The following SI variants were observed in gnomAD, a reference collection of about 807,000 sequenced individuals.
SI encodes sucrase-isomaltase, intestinal.
SI carries 235 observed loss-of-function variants against 253.3 expected under a neutral mutation model. The observed-to-expected ratio is 0.93, with a 90% CI of 0.83 to 1.03. SI has a LOEUF of 1.03. SI is among the 50% of genes least tolerant of loss of function. The pLI, the probability that SI is intolerant of heterozygous loss-of-function variation, is 0.00. For synonymous variants in SI, 819 were observed against 712.0 expected (o/e 1.15, Z -2.39); for missense variants, 2,442 against 2,211.1 (o/e 1.10, Z -2.09).
intron 6 of SI, 33 bp from the exon 7 acceptor site, chr3:165,065,465 A>G: frequency 7.1e-6 from 1 of 140,980 alleles, no homozygotes; most frequent in South Asian, 1.9e-4. Flanking sequence ...AAATAATCTA[A>G]TATATATATA....
intron 26 of SI, among the ~76,000 whole-genome samples, chr3:165,022,532 ATC>A (rs1329177584): frequency 4.4e-4 from 39 of 88,594 alleles, no homozygotes; most frequent in Admixed American, 1.4e-3. Context: ...CTTTTGTGCC[ATC>A]TCACACACAC....
intron 45 of SI, among the ~76,000 whole-genome samples, chr3:164,985,279 C>A (rs1205132434): frequency 6.6e-6 from 1 of 151,998 alleles, no homozygotes; most frequent in Admixed American, 6.6e-5. Flanking sequence ...TTCAAAGATC[C>A]CAAGTTGCAT....
intron 34 of SI, among the ~76,000 whole-genome samples, chr3:165,010,462 A>G (rs1379807279): frequency 2.0e-5 from 3 of 152,086 alleles, no homozygotes; most frequent in Non-Finnish European, 2.9e-5. Context: ...CACCTGGCCT[A>G]TGATGAATAT....
chr3:165,011,857 C>T (rs1465330963), intron 34 of SI, among the ~76,000 whole-genome samples: 3 of 150,926 alleles, frequency 2.0e-5, no homozygotes, highest in Non-Finnish European at 4.4e-5. Context: ...TGCTGTTTCT[C>T]ATTTCAGTTC....
At chr3:165,084,328 T>G in the SI span, among the ~76,000 whole-genome samples, 1 of 152,034 alleles carries the variant, frequency 6.6e-6, no homozygotes, top group Non-Finnish European at 1.5e-5. Flanking sequence ...TTGTGGTATT[T>G]TGTTACAGAA....
chr3:165,088,903 A>G, the SI span, among the ~76,000 whole-genome samples: 6 of 151,992 alleles, frequency 3.9e-5, no homozygotes, highest in Admixed American at 6.6e-5. Flanking sequence ...TTATATTGCT[A>G]TTTACTATAA....
intron 37 of SI, among the ~76,000 whole-genome samples, chr3:165,003,927 G>T (rs1344907431): frequency 6.6e-6 from 1 of 151,990 alleles, no homozygotes; most frequent in Non-Finnish European, 1.5e-5. Context: ...ATAACAAATG[G>T]TGGGAGTAAG....
chr3:165,033,423 T>C lies in SI; in HGVS notation c.2537A>G (p.Tyr846Cys). 1 of 1,551,218 alleles carries C rather than the reference T, an allele frequency of 6.4e-7. No homozygotes were observed. Among genetic ancestry groups the C allele is most frequent in the Non-Finnish European group, 8.7e-7 (1 of 1,145,252 alleles). The change falls in exon 23 of 48, where the codon TAC becomes TGC. Residue 846 changes from tyrosine to cysteine, a missense_variant. Physicochemically the swap from Tyr to Cys is radical, Grantham distance 194 (BLOSUM62 -2). Transcript: ENST00000264382. ...AGAAACTGAAAATGTATATAATATG[T>C]AGTTGCCATTTTGTATTGTATCTGA... is the stretch of plus-strand genomic sequence containing the variant. ...ETKDTIQNGN[Y>C]ILYTFSVSNN...
intron 34 of SI, among the ~76,000 whole-genome samples, chr3:165,011,761 T>A (rs1446248661): frequency 2.0e-5 from 3 of 148,684 alleles, no homozygotes; most frequent in African/African-American, 7.3e-5. Context: ...TTATTGTTAT[T>A]ATTTATTTAT....
chr3:165,026,362 G>A (rs987842868), intron 25 of SI, among the ~76,000 whole-genome samples: 4 of 151,102 alleles, frequency 2.6e-5, no homozygotes, highest in African/African-American at 9.7e-5. Context: ...AGAATTGAGA[G>A]AGTCAGCAAC....
intron 21 of SI, among the ~76,000 whole-genome samples, chr3:165,036,806 AG>A (rs1712557532): frequency 6.6e-6 from 1 of 151,826 alleles, no homozygotes; most frequent in East Asian, 1.9e-4. Flanking sequence ...TGTCTTATTA[AG>A]GCTCAACTCA....
intron 47 of SI, among the ~76,000 whole-genome samples, chr3:164,980,611 G>C (rs1242841272): frequency 1.3e-5 from 2 of 151,790 alleles, no homozygotes; most frequent in African/African-American, 4.8e-5. Context: ...CAGAGTTGTT[G>C]GTTAAAGTAA....
chr3:164,989,781 C>A (rs1408352937), intron 44 of SI, among the ~76,000 whole-genome samples: 1 of 152,102 alleles, frequency 6.6e-6, no homozygotes, highest in Non-Finnish European at 1.5e-5. Context: ...ACCCAGGTAT[C>A]TCATGGAGGA....
chr3:165,061,985 T>G (rs772502495), intron 9 of SI, among the ~76,000 whole-genome samples: 21 of 151,978 alleles, frequency 1.4e-4, no homozygotes, highest in Non-Finnish European at 4.4e-5. Flanking sequence ...ACCTCTAGGA[T>G]TTTGACCAAA....
Position 165,007,968 on chromosome 3 carries a change from C to A in SI, c.4210G>T (p.Gly1404Ter). The change falls in exon 36 of 48, where the codon GGA (glycine) becomes TGA (stop). Residue 1404 changes from glycine to a stop codon, truncating the protein, a stop_gained. Coordinates refer to ENST00000264382, the MANE Select transcript of SI (RefSeq NM_001041.4). LOFTEE classifies it high-confidence loss of function. ...TTTCTGCATTGATTAGTAGTTGTTC[C>A]ATTTACAAAACTTGATGGCTCATTC... Reference protein sequence around the residue: ...DMNEPSSFVNGTTTNQCRNDE... With the variant: ...DMNEPSSFVN The A allele has an allele frequency of 1.3e-6, 2 of 1,596,814 alleles. No homozygotes were observed. Among genetic ancestry groups the A allele is most frequent in the Non-Finnish European group, 8.6e-7 (1 of 1,166,120 alleles).
intron 3 of SI, 63 bp downstream of exon 3, chr3:165,074,468 G>A: frequency 9.8e-7 from 1 of 1,020,700 alleles, no homozygotes; most frequent in Non-Finnish European, 1.4e-6. Context: ...CCAATATTCA[G>A]CAATTATCTT....
rs755263405 is a variant in SI, at chr3:165,036,394, G to A, written c.2510C>T (p.Thr837Ile). ...KGDFFWDDGE[T>I]KDTIQNGNYI... ...CGTATTACTTTCAGACTTACCTTTAGTTTCTCCATCATCCCAGAAAAAGTC... is the reference window on the plus strand; with the variant it reads ...CGTATTACTTTCAGACTTACCTTTAATTTCTCCATCATCCCAGAAAAAGTC... Residue 837 changes from threonine to isoleucine, a missense_variant, in exon 22 of 48, where the codon ACT becomes ATT. Thr to Ile is a moderately conservative substitution (Grantham distance 89). Transcript: ENST00000264382. 6 of 1,606,364 alleles carry A rather than the reference G, an allele frequency of 3.7e-6. No homozygotes were observed. The highest frequency in any genetic ancestry group is 1.7e-4 in the Middle Eastern group (1 of 6,060).
the SI span, among the ~76,000 whole-genome samples, chr3:165,088,432 C>T: frequency 6.6e-6 from 1 of 151,952 alleles, no homozygotes; most frequent in South Asian, 2.1e-4. Context: ...ATCATGAGGT[C>T]AGGAGTTCGA....
intron 12 of SI, among the ~76,000 whole-genome samples, chr3:165,056,367 T>G (rs1713693834): frequency 7.0e-6 from 1 of 143,118 alleles, no homozygotes; most frequent in Non-Finnish European, 1.6e-5. Flanking sequence ...AAAAGAAGCC[T>G]CCAGTGACCA....
Sources: gnomAD v4.1 joint callset for allele counts (sites outside exome capture counted in the v4.1 genomes callset) on GRCh38, gnomAD v4.1.1 for gene constraint, MANE v1.5 for transcripts, NCBI Gene and HGNC (gene_info 2026-07-23, HGNC 2026-07-21) for gene names.